The following CNTLN variants were observed in gnomAD, a reference collection of about 807,000 sequenced individuals.
CNTLN encodes the protein centlein.
CNTLN carries 212 observed loss-of-function variants against 180.0 expected under a neutral mutation model. That is an observed-to-expected ratio of 1.18 (90% CI 1.05 to 1.32). The LOEUF is 1.32. Among genes scored for constraint, CNTLN ranks in the 40% most tolerant of loss-of-function variants. The probability of loss-of-function intolerance (pLI) is 0.00; values close to 1 mark genes in which losing one functional copy is unlikely to be tolerated. For missense variants in CNTLN, 2,095 were observed against 1,610.9 expected (o/e 1.30, Z -5.14); for synonymous variants, 722 against 563.1 (o/e 1.28, Z -3.99).
intron 2 of CNTLN, among the ~76,000 whole-genome samples, chr9:17,195,751 C>G (rs1353039101): frequency 1.3e-5 from 2 of 151,984 alleles, no homozygotes; most frequent in Non-Finnish European, 2.9e-5. Context: ...GAGTGGTCTT[C>G]CCTGACATCC....
chr9:17,345,561 G>A (rs1821814513), intron 12 of CNTLN, among the ~76,000 whole-genome samples: 1 of 149,200 alleles, frequency 6.7e-6, no homozygotes, highest in Non-Finnish European at 1.5e-5. Context: ...TTTGCTCTTG[G>A]TATTATATTA....
At chr9:17,493,037 A>T (rs1303039457) in intron 25 of CNTLN, among the ~76,000 whole-genome samples, 1 of 152,112 alleles carries the variant, frequency 6.6e-6, no homozygotes, top group African/African-American at 2.4e-5. Context: ...GTTCATAGAG[A>T]CAGAAAGTAG....
At chr9:17,386,275 C>G (rs1207234042) in intron 13 of CNTLN, among the ~76,000 whole-genome samples, 2 of 151,474 alleles carry the variant, frequency 1.3e-5, no homozygotes. Context: ...ATAGAATATA[C>G]TAAGCTCTTA....
intron 12 of CNTLN, among the ~76,000 whole-genome samples, chr9:17,362,721 C>T (rs1040860857): frequency 2.0e-5 from 3 of 151,702 alleles, no homozygotes; most frequent in Non-Finnish European, 4.4e-5. Context: ...TTTTCTTGCA[C>T]GTTTTATTTT....
intron 12 of CNTLN, among the ~76,000 whole-genome samples, chr9:17,359,568 T>A (rs897959630): frequency 6.6e-6 from 1 of 150,694 alleles, no homozygotes; most frequent in Non-Finnish European, 1.5e-5. Flanking sequence ...AGCAAAACAC[T>A]TGAACAGATA....
chr9:17,349,707 T>G (rs1304596050), intron 12 of CNTLN, among the ~76,000 whole-genome samples: 2 of 152,130 alleles, frequency 1.3e-5, no homozygotes, highest in Non-Finnish European at 2.9e-5. Context: ...ATAAGATATA[T>G]CTATCATATC....
chr9:17,207,551 T>C (rs114108034), intron 2 of CNTLN, among the ~76,000 whole-genome samples: 3,160 of 152,258 alleles, frequency 0.021, 68 homozygotes, highest in African/African-American at 0.056. Flanking sequence ...GTACCTGGGC[T>C]GGGTAGCACA....
At chr9:17,496,647 A>G (rs888068294) in intron 25 of CNTLN, among the ~76,000 whole-genome samples, 19 of 152,276 alleles carry the variant, frequency 1.2e-4, no homozygotes, top group Middle Eastern at 3.4e-3. Flanking sequence ...CTTTTCCTGA[A>G]CTCGGAGTTT....
rs937282365 is a variant in CNTLN, at chr9:17,299,770, C to G, written c.1146+1418C>G. On this transcript the variant is annotated intron_variant, in intron 7 of 25. Transcript: ENST00000380647. The stretch of plus-strand genomic sequence containing the variant: ...TAATACTTGTTAATTGTTATTAATA[C>G]TAATTAATTGTTTTCTCTTTTTCCC... The G allele has an allele frequency of 4.1e-6, 4 of 977,546 alleles. No individual in the cohort carries two copies. The African/African-American group carries it at 7.0e-5, about 17-fold the overall frequency. 60.6% of individuals were successfully genotyped at this position (977,546 alleles called of 1,614,324 possible).
chr9:17,371,285 C>T (rs1206092540), intron 13 of CNTLN, among the ~76,000 whole-genome samples: 1 of 152,088 alleles, frequency 6.6e-6, no homozygotes, highest in Non-Finnish European at 1.5e-5. Context: ...GAAAAAGATA[C>T]TCCATGCCAG....
chr9:17,262,765 G>A (rs1827097253), intron 5 of CNTLN, among the ~76,000 whole-genome samples: 2 of 151,162 alleles, frequency 1.3e-5, no homozygotes, highest in Admixed American at 6.6e-5. Flanking sequence ...GAAAGATTAG[G>A]TATCTCTGTA....
intron 8 of CNTLN, among the ~76,000 whole-genome samples, chr9:17,314,614 C>T (rs1470459360): frequency 1.3e-5 from 2 of 152,176 alleles, no homozygotes; most frequent in African/African-American, 2.4e-5. Flanking sequence ...GACTGAACTT[C>T]CAAAGTTTCT....
At chr9:17,435,253 A>G (rs1034580415) in intron 18 of CNTLN, among the ~76,000 whole-genome samples, 1 of 152,094 alleles carries the variant, frequency 6.6e-6, no homozygotes, top group Non-Finnish European at 1.5e-5. Flanking sequence ...TCTAAGAGAT[A>G]TTTTTGGAAA....
chr9:17,192,149 T>C (rs1055807847), intron 2 of CNTLN, among the ~76,000 whole-genome samples: 5 of 152,084 alleles, frequency 3.3e-5, no homozygotes, highest in African/African-American at 9.7e-5. Flanking sequence ...TAATAATATA[T>C]TGAGTATTTA....
chr9:17,198,386 C>CTTTTTT (rs61209273), intron 2 of CNTLN, among the ~76,000 whole-genome samples: 8 of 109,746 alleles, frequency 7.3e-5, no homozygotes, highest in African/African-American at 9.9e-5. Context: ...TCTTTTCTTT[C>CTTTTTT]TTTTTTTTTT....
chr9:17,295,326 G>A (rs1448221460), intron 6 of CNTLN, among the ~76,000 whole-genome samples: 10 of 152,166 alleles, frequency 6.6e-5, no homozygotes, highest in Non-Finnish European at 1.3e-4. Flanking sequence ...CAGAGTGGGC[G>A]CCGAGGCCAA....
chr9:17,435,752 A>T (rs950714183), intron 18 of CNTLN, among the ~76,000 whole-genome samples: 1 of 152,070 alleles, frequency 6.6e-6, no homozygotes, highest in African/African-American at 2.4e-5. Flanking sequence ...TAGTAGAGAC[A>T]GGGTTTCACC....
intron 5 of CNTLN, among the ~76,000 whole-genome samples, chr9:17,259,941 A>G (rs1287233428): frequency 7.4e-6 from 1 of 135,948 alleles, no homozygotes; most frequent in African/African-American, 3.1e-5. Flanking sequence ...TGGATTCATT[A>G]ATTTTTTGAA....
chr9:17,198,389 T>C (rs1481598869), intron 2 of CNTLN, among the ~76,000 whole-genome samples: 1 of 148,168 alleles, frequency 6.7e-6, no homozygotes, highest in Non-Finnish European at 1.5e-5. Flanking sequence ...TTTCTTTCTT[T>C]TTTTTTTTTT....
Sources: gnomAD v4.1 joint callset for allele counts (sites outside exome capture counted in the v4.1 genomes callset) on GRCh38, gnomAD v4.1.1 for gene constraint, MANE v1.5 for transcripts, NCBI Gene and HGNC (gene_info 2026-07-23, HGNC 2026-07-21) for gene names.